SCAPER: variants seen among roughly 807,000 people sequenced by gnomAD.
SCAPER encodes the protein S-phase cyclin A associated protein in the ER, also known as S phase cyclin A-associated protein in the endoplasmic reticulum.
In SCAPER, 98 loss-of-function variants were observed where a neutral mutation model predicts 182.2. The ratio of observed to expected loss-of-function variants is 0.54; its 90% CI spans 0.46 to 0.64. SCAPER has a LOEUF of 0.64. Ranked by LOEUF, SCAPER falls within the 30% of genes least tolerant of loss-of-function variation. The pLI is 0.00. For synonymous variants in SCAPER, 605 were observed against 564.6 expected (o/e 1.07, Z -1.01); for missense variants, 1,432 against 1,690.0 (o/e 0.85, Z 2.68).
chr15:76,782,225 G>A (rs921336366), intron 8 of SCAPER, among the ~76,000 whole-genome samples: 3 of 151,838 alleles, frequency 2.0e-5, no homozygotes, highest in African/African-American at 4.8e-5. Flanking sequence ...AAAAAAAACA[G>A]GGGTTGCAAT....
chr15:76,837,231 C>T (rs939843015), intron 5 of SCAPER, among the ~76,000 whole-genome samples: 2 of 152,096 alleles, frequency 1.3e-5, no homozygotes, highest in Non-Finnish European at 2.9e-5. Flanking sequence ...GGGCAAAGGA[C>T]ATGGACACTT....
intron 23 of SCAPER, among the ~76,000 whole-genome samples, chr15:76,519,213 T>C (rs1322823781): frequency 6.6e-6 from 1 of 152,250 alleles, no homozygotes; most frequent in Non-Finnish European, 1.5e-5. Context: ...ACGCTTTTAA[T>C]CTGAAATTTA....
intron 22 of SCAPER, among the ~76,000 whole-genome samples, chr15:76,604,853 T>C (rs1434658450): frequency 6.6e-6 from 1 of 151,738 alleles, no homozygotes; most frequent in Non-Finnish European, 1.5e-5. Flanking sequence ...ATAAAAATGC[T>C]TGTGATTTTT....
chr15:76,560,147 G>A (rs897757458), intron 23 of SCAPER, among the ~76,000 whole-genome samples: 4 of 151,730 alleles, frequency 2.6e-5, no homozygotes, highest in Admixed American at 6.6e-5. Flanking sequence ...CTTAATCCCC[G>A]GTGTGATAGC....
At chr15:76,579,170 G>A (rs940749725) in intron 22 of SCAPER, among the ~76,000 whole-genome samples, 1 of 147,522 alleles carries the variant, frequency 6.8e-6, no homozygotes, top group Non-Finnish European at 1.5e-5. Context: ...GGAGGCTGAG[G>A]CAGGAGAATG....
intron 29 of SCAPER, 80 bp downstream of exon 29, chr15:76,376,082 T>TA (rs2141892226): frequency 6.4e-7 from 1 of 1,559,476 alleles, no homozygotes; most frequent in South Asian, 1.2e-5. Flanking sequence ...TCCAGCCCGC[T>TA]AGCCTGCCTT....
At chr15:76,571,311 A>G (rs1443553617) in intron 23 of SCAPER, among the ~76,000 whole-genome samples, 1 of 152,130 alleles carries the variant, frequency 6.6e-6, no homozygotes, top group Non-Finnish European at 1.5e-5. Flanking sequence ...GAGAGTTGAT[A>G]CCCAGTACCC....
At chr15:76,723,933 G>A (rs1003015412) in intron 17 of SCAPER, among the ~76,000 whole-genome samples, 15 of 152,260 alleles carry the variant, frequency 9.9e-5, no homozygotes, top group Admixed American at 7.9e-4. Flanking sequence ...TTTAAGGTTA[G>A]TATTGTTACG....
intron 22 of SCAPER, among the ~76,000 whole-genome samples, chr15:76,585,962 T>C (rs143960313): frequency 0.018 from 2,731 of 152,284 alleles, 37 homozygotes; most frequent in Non-Finnish European, 0.028. Flanking sequence ...TTTTCTAGCA[T>C]GAAAAGAAGA....
At chr15:76,630,220 T>C (rs2052975674) in intron 21 of SCAPER, among the ~76,000 whole-genome samples, 1 of 152,182 alleles carries the variant, frequency 6.6e-6, no homozygotes, top group South Asian at 2.1e-4. Flanking sequence ...TAGCTGTCTA[T>C]CTACTTTATC....
At chr15:76,723,720 T>G (rs1006754267) in intron 17 of SCAPER, among the ~76,000 whole-genome samples, 61 of 152,226 alleles carry the variant, frequency 4.0e-4, no homozygotes, top group Admixed American at 1.1e-3. Flanking sequence ...GTTTAAAGTC[T>G]GTTTTATCAG....
At chr15:76,705,839 A>C in intron 18 of SCAPER, 64 bp downstream of exon 18, 2 of 1,097,770 alleles carry the variant, frequency 1.8e-6, no homozygotes, top group Non-Finnish European at 2.6e-6. Flanking sequence ...TTCCTACAAA[A>C]TTTTGATCTC....
chr15:76,876,932 T>C (rs2073207711), intron 2 of SCAPER, among the ~76,000 whole-genome samples: 1 of 152,116 alleles, frequency 6.6e-6, no homozygotes, highest in Non-Finnish European at 1.5e-5. Flanking sequence ...CAAAGAATAA[T>C]ATGGACATAC....
intron 1 of SCAPER, among the ~76,000 whole-genome samples, chr15:76,891,059 T>A (rs957229345): frequency 1.3e-5 from 2 of 152,186 alleles, no homozygotes; most frequent in African/African-American, 4.8e-5. Context: ...ACAGAACCAA[T>A]GACAAAAACC....
chr15:76,504,919 T>C lies in SCAPER; in HGVS notation c.2894A>G (p.His965Arg). The change falls in exon 24 of 32, where the codon CAC becomes CGC. Residue 965 changes from histidine to arginine, a missense_variant. Coordinates refer to ENST00000563290, the MANE Select transcript of SCAPER (RefSeq NM_020843.4). The part of the protein sequence containing the change: ...QAAGGLTALE[H>R]ILQAVVPATN... ...GGCTGGGACTACTGCTTGAAGGATGTGTTCAAGGGCTGTTAATCCACCAGC... is the reference window on the plus strand; with the variant it reads ...GGCTGGGACTACTGCTTGAAGGATGCGTTCAAGGGCTGTTAATCCACCAGC... 6.2e-7 allele frequency: 1 copy of C among 1,613,064 alleles called. No homozygotes were observed. Among genetic ancestry groups the C allele is most frequent in the Admixed American group, 1.7e-5 (1 of 59,846 alleles).
intron 1 of SCAPER, among the ~76,000 whole-genome samples, chr15:76,897,995 A>G (rs1023117240): frequency 3.9e-5 from 6 of 152,194 alleles, no homozygotes; most frequent in African/African-American, 1.4e-4. Context: ...TCTGGGGAGC[A>G]ATTCACTTGA....
chr15:76,534,665 A>G (rs1567376869), intron 23 of SCAPER, among the ~76,000 whole-genome samples: 1 of 152,186 alleles, frequency 6.6e-6, no homozygotes, highest in Non-Finnish European at 1.5e-5. Context: ...ATGGGAGATA[A>G]TTGCTATTGC....
chr15:76,504,635 C>T lies in SCAPER; in HGVS notation c.2954+224G>A, dbSNP rs143268365. The stretch of plus-strand genomic sequence containing the variant: ...TTCTTCTTGATTTCAGATTAGAGCA[C>T]ATCACAGACCAAAGAGATTTCCTTT... On this transcript the variant is annotated intron_variant, in intron 24 of 31. Coordinates refer to ENST00000563290, the MANE Select transcript of SCAPER (RefSeq NM_020843.4). Among the ~76,000 whole-genome samples the T allele has an allele frequency of 2.4e-3, 365 of 152,322 alleles. 1 individual carries two copies. Among genetic ancestry groups the T allele is most frequent in the African/African-American group, 8.0e-3 (333 of 41,578 alleles).
chr15:76,367,182 G>C (rs567198529), intron 29 of SCAPER, among the ~76,000 whole-genome samples: 1 of 152,366 alleles, frequency 6.6e-6, no homozygotes, highest in Admixed American at 6.5e-5. Flanking sequence ...GAGAAGGGCA[G>C]TGACTTACCC....
Sources: allele counts gnomAD v4.1 joint callset (sites outside exome capture counted in the v4.1 genomes callset), GRCh38; gene constraint gnomAD v4.1.1; transcripts MANE v1.5; gene names NCBI Gene and HGNC (gene_info 2026-07-23, HGNC 2026-07-21).